The following WSCD2 variants were observed in gnomAD, a reference collection of about 807,000 sequenced individuals.
WSCD2 encodes the protein WSC domain sialate O sulfotransferase 2, also known as sialate:O-sulfotransferase 2.
A neutral mutation model predicts 55.7 loss-of-function variants in WSCD2; 28 were observed. The ratio of observed to expected loss-of-function variants is 0.50; its 90% CI spans 0.37 to 0.69. The LOEUF (loss-of-function observed/expected upper bound fraction) is 0.69, where lower values mean the gene tolerates loss of function less well. Among genes scored for constraint, WSCD2 ranks in the 30% least tolerant of loss-of-function variants. The pLI is 0.00. For synonymous variants in WSCD2, 301 were observed against 301.9 expected, an observed-to-expected ratio of 1.00 and a Z score of 0.03; for missense variants, 616 against 762.1, an observed-to-expected ratio of 0.81 and a Z score of 2.26.
intron 1 of WSCD2, among the ~76,000 whole-genome samples, chr12:108,193,654 T>C (rs540021042): frequency 1.3e-5 from 2 of 151,778 alleles, no homozygotes; most frequent in East Asian, 3.9e-4. Flanking sequence ...AACGAATGGA[T>C]GGGTGGGTGG....
chr12:108,244,364 C>T (rs895457281), intron 8 of WSCD2, among the ~76,000 whole-genome samples: 3 of 152,200 alleles, frequency 2.0e-5, no homozygotes, highest in African/African-American at 7.2e-5. Context: ...GGACAAACAT[C>T]TGCTGCTGAA....
chr12:108,244,669 G>T, intron 8 of WSCD2: 1 of 693,080 alleles, frequency 1.4e-6, no homozygotes. Flanking sequence ...ACCTCATGTG[G>T]GGAGGAGCTG....
chr12:108,131,095 C>A (rs11615562), intron 1 of WSCD2, among the ~76,000 whole-genome samples: 1 of 151,890 alleles, frequency 6.6e-6, no homozygotes, highest in African/African-American at 2.4e-5. Context: ...CGATCTCAGG[C>A]CAAGTTAGAG....
rs535018464 is a variant in WSCD2 at position 108,237,578 on chromosome 12, G to A, written c.1145-2766G>A. Among the ~76,000 whole-genome samples the A allele has an allele frequency of 5.9e-5, 9 of 152,310 alleles. No individual in the cohort carries two copies. In the South Asian group the frequency reaches 1.2e-3, roughly 21 times the overall value. On this transcript the variant is annotated intron_variant, in intron 7 of 8. Coordinates refer to ENST00000547525, the MANE Select transcript of WSCD2 (RefSeq NM_014653.4). Reference sequence around the variant, plus strand: ...TTACCTAGACAGGCCCTCTTTAGAAGACAATTGAGCAACTATCTGTTGTTC... The same window carrying A: ...TTACCTAGACAGGCCCTCTTTAGAAAACAATTGAGCAACTATCTGTTGTTC...
intron 2 of WSCD2, 28 bp downstream of exon 2, chr12:108,196,242 A>G (rs1883910634): frequency 6.3e-7 from 1 of 1,590,348 alleles, no homozygotes; most frequent in Admixed American, 1.8e-5. Context: ...CTGGACACTG[A>G]GGGGCTGGGG....
At chr12:108,241,692 G>A (rs1022540600) in intron 8 of WSCD2, among the ~76,000 whole-genome samples, 2 of 152,176 alleles carry the variant, frequency 1.3e-5, no homozygotes, top group Admixed American at 1.3e-4. Flanking sequence ...TGAGAGGATA[G>A]ATCTCATGTT....
intron 1 of WSCD2, among the ~76,000 whole-genome samples, chr12:108,185,898 T>C (rs1344125415): frequency 6.6e-6 from 1 of 152,222 alleles, no homozygotes; most frequent in Non-Finnish European, 1.5e-5. Flanking sequence ...GATGGCTTAA[T>C]GATAGGGATT....
intron 2 of WSCD2, among the ~76,000 whole-genome samples, chr12:108,205,226 G>T (rs553030613): frequency 2.0e-3 from 303 of 152,248 alleles, no homozygotes; most frequent in African/African-American, 6.9e-3. Context: ...AAACCAGATT[G>T]CTTGGCTTCA....
intron 1 of WSCD2, among the ~76,000 whole-genome samples, chr12:108,189,005 T>C (rs1482442680): frequency 6.6e-6 from 1 of 152,212 alleles, no homozygotes; most frequent in Non-Finnish European, 1.5e-5. Context: ...CGGGGATCTG[T>C]ATAAAGATTT....
chr12:108,218,204 G>A (rs1275121779), intron 4 of WSCD2, among the ~76,000 whole-genome samples: 1 of 152,224 alleles, frequency 6.6e-6, no homozygotes, highest in Non-Finnish European at 1.5e-5. Flanking sequence ...GAGGAAACTT[G>A]CCCATGGTCA....
At chr12:108,209,087 GAGCA>G (rs1885798790) in intron 3 of WSCD2, among the ~76,000 whole-genome samples, 1 of 152,176 alleles carries the variant, frequency 6.6e-6, no homozygotes. Flanking sequence ...CCCAGAGCCA[GAGCA>G]AGCAATGCTC....
chr12:108,178,553 T>C (rs1175722578), intron 1 of WSCD2, among the ~76,000 whole-genome samples: 1 of 152,234 alleles, frequency 6.6e-6, no homozygotes, highest in African/African-American at 2.4e-5. Context: ...GGCTGAATCA[T>C]TCGACATCTA....
chr12:108,159,998 T>C (rs1186648240), intron 1 of WSCD2, among the ~76,000 whole-genome samples: 4 of 151,508 alleles, frequency 2.6e-5, no homozygotes, highest in Admixed American at 6.6e-5. Context: ...TTCGTGGAGA[T>C]ATTAGACACG....
At chr12:108,237,140 T>A (rs1803810713) in intron 7 of WSCD2, among the ~76,000 whole-genome samples, 1 of 152,230 alleles carries the variant, frequency 6.6e-6, no homozygotes, top group South Asian at 2.1e-4. Context: ...GGAGCCAAGA[T>A]GGGACTTTCC....
rs751218604 is a variant in WSCD2 at position 108,130,597 on chromosome 12, C to G, written c.-552+671C>G. ...TCCTTGCAAGCCTTTCCAGCAGCCC[C>G]AGGTATCTTGGAAAGAGCCAACTCA... On this transcript the variant is annotated intron_variant, in intron 1 of 8. Transcript: ENST00000547525. Among the ~76,000 whole-genome samples the G allele has an allele frequency of 3.6e-4, 54 of 151,938 alleles. 1 individual carries two copies. The highest frequency in any genetic ancestry group is 3.2e-3 in the Middle Eastern group (1 of 316).
intron 1 of WSCD2, among the ~76,000 whole-genome samples, chr12:108,178,577 C>T (rs17040268): frequency 6.6e-6 from 1 of 152,258 alleles, no homozygotes; most frequent in East Asian, 1.9e-4. Context: ...GCCAACGGGG[C>T]TTCAATATTC....
intron 2 of WSCD2, among the ~76,000 whole-genome samples, chr12:108,201,113 A>G (rs994740020): frequency 2.0e-5 from 3 of 152,216 alleles, no homozygotes; most frequent in Non-Finnish European, 4.4e-5. Flanking sequence ...AGTATCACAC[A>G]CTGGGTGGCT....
At chr12:108,189,081 T>C (rs1215019925) in intron 1 of WSCD2, among the ~76,000 whole-genome samples, 28 of 152,210 alleles carry the variant, frequency 1.8e-4, no homozygotes, top group Admixed American at 1.8e-3. Flanking sequence ...ATATTTTACA[T>C]GTCTATGATA....
chr12:108,236,431 G>A (rs1889270083), intron 7 of WSCD2, among the ~76,000 whole-genome samples: 1 of 152,202 alleles, frequency 6.6e-6, no homozygotes. Flanking sequence ...ATGAAGAAAT[G>A]TAGGGACCTC....
Sources: gnomAD v4.1 joint callset for allele counts (sites outside exome capture counted in the v4.1 genomes callset) on GRCh38, gnomAD v4.1.1 for gene constraint, MANE v1.5 for transcripts, NCBI Gene and HGNC (gene_info 2026-07-23, HGNC 2026-07-21) for gene names.